The following EPHA6 variants were observed in gnomAD, a reference collection of about 807,000 sequenced individuals.
EPHA6 encodes the protein EPH receptor A6.
EPHA6 carries 50 observed loss-of-function variants against 112.0 expected under a neutral mutation model. The observed-to-expected ratio is 0.45, with a 90% CI of 0.36 to 0.56. EPHA6 has a LOEUF of 0.56. Ranked by LOEUF, EPHA6 falls within the 20% of genes least tolerant of loss-of-function variation. The pLI, the probability that EPHA6 is intolerant of heterozygous loss-of-function variation, is 0.00. For synonymous variants in EPHA6, 529 were observed against 490.7 expected (o/e 1.08, Z -1.03); for missense variants, 1,280 against 1,417.4 (o/e 0.90, Z 1.56).
intron 10 of EPHA6, among the ~76,000 whole-genome samples, chr3:97,520,538 T>G (rs1018882137): frequency 7.9e-5 from 12 of 152,230 alleles, no homozygotes; most frequent in Admixed American, 2.0e-4. Context: ...ATCATCCTAT[T>G]ATCTTCTGGC....
intron 14 of EPHA6, among the ~76,000 whole-genome samples, chr3:97,702,568 C>T (rs999979743): frequency 8.5e-5 from 13 of 152,126 alleles, no homozygotes; most frequent in Non-Finnish European, 1.5e-4. Context: ...TTTCCCCATT[C>T]ATTTTAAATA....
At chr3:96,877,146 G>A (rs2037010060) in intron 2 of EPHA6, among the ~76,000 whole-genome samples, 1 of 152,066 alleles carries the variant, frequency 6.6e-6, no homozygotes, top group African/African-American at 2.4e-5. Flanking sequence ...TCTCATTGGA[G>A]CTGGAATAAT....
At chr3:97,047,567 G>T (rs996304879) in intron 3 of EPHA6, among the ~76,000 whole-genome samples, 1 of 151,314 alleles carries the variant, frequency 6.6e-6, no homozygotes, top group Non-Finnish European at 1.5e-5. Flanking sequence ...TTATATAAGG[G>T]ATGGGTAGTT....
chr3:97,734,819 T>C (rs1287652602), intron 15 of EPHA6, among the ~76,000 whole-genome samples: 1 of 152,050 alleles, frequency 6.6e-6, no homozygotes, highest in Non-Finnish European at 1.5e-5. Context: ...ACACTTTCTT[T>C]TGTCTTTTCC....
intron 1 of EPHA6, among the ~76,000 whole-genome samples, chr3:96,847,204 T>C (rs2035122263): frequency 6.6e-6 from 1 of 152,118 alleles, no homozygotes; most frequent in Non-Finnish European, 1.5e-5. Context: ...TGTATATAAA[T>C]CAAAAATATA....
At chr3:96,852,108 T>A (rs2035425674) in intron 1 of EPHA6, among the ~76,000 whole-genome samples, 2 of 152,106 alleles carry the variant, frequency 1.3e-5, no homozygotes, top group South Asian at 4.1e-4. Context: ...TGTGTGATAT[T>A]TTGGAGTTGA....
intron 7 of EPHA6, among the ~76,000 whole-genome samples, chr3:97,460,801 C>T (rs1227737338): frequency 6.6e-6 from 1 of 152,162 alleles, no homozygotes; most frequent in African/African-American, 2.4e-5. Context: ...GTCTTTGCAG[C>T]TACCACATGT....
chr3:97,227,936 A>G (rs1193704748), intron 4 of EPHA6, among the ~76,000 whole-genome samples: 2 of 152,164 alleles, frequency 1.3e-5, no homozygotes, highest in African/African-American at 4.8e-5. Context: ...AACCACAGAA[A>G]GGGAGGGGCA....
At chr3:97,222,938 A>G (rs892617973) in intron 3 of EPHA6, among the ~76,000 whole-genome samples, 2 of 152,230 alleles carry the variant, frequency 1.3e-5, no homozygotes, top group African/African-American at 2.4e-5. Flanking sequence ...GGCCCTCTTA[A>G]AGAAGTGCGA....
intron 6 of EPHA6, among the ~76,000 whole-genome samples, chr3:97,427,698 A>AATGTGGT (rs1364098951): frequency 8.5e-5 from 13 of 152,176 alleles, no homozygotes; most frequent in Non-Finnish European, 1.8e-4. Flanking sequence ...TTAAAAAAAA[A>AATGTGGT]ATGTGGTACA....
At chr3:97,170,758 A>G (rs993713578) in intron 3 of EPHA6, among the ~76,000 whole-genome samples, 14 of 152,054 alleles carry the variant, frequency 9.2e-5, no homozygotes, top group South Asian at 2.1e-4. Flanking sequence ...AGAAAAGAAA[A>G]AAAAAGAAAT....
intron 10 of EPHA6, among the ~76,000 whole-genome samples, chr3:97,515,317 T>C (rs2107603209): frequency 6.6e-6 from 1 of 152,346 alleles, no homozygotes; most frequent in Non-Finnish European, 1.5e-5. Flanking sequence ...TAACATAAGC[T>C]GCCAGAGACA....
intron 2 of EPHA6, among the ~76,000 whole-genome samples, chr3:96,916,453 C>CTGAA (rs2107616146): frequency 1.3e-5 from 2 of 152,114 alleles, no homozygotes; most frequent in South Asian, 4.1e-4. Context: ...AATGTACTTA[C>CTGAA]TGAACATCTG....
In EPHA6 at chr3:97,467,305, AT is replaced by A. The variant is rs540543613; in HGVS notation, c.1895-8041del. Among the ~76,000 whole-genome samples the A allele has an allele frequency of 8.8e-4, 134 of 151,850 alleles. 1 individual carries two copies. The highest frequency in any genetic ancestry group is 3.0e-3 in the African/African-American group (126 of 41,486). On this transcript the variant is annotated intron_variant, in intron 7 of 17. Transcript: ENST00000389672. ...GTTTTTAAAATCATTTTCTTTAAAT[AT>A]TTTTTCTATGAAAAATAGACTCCAA...
chr3:97,155,831 A>G (rs2076276328), intron 3 of EPHA6, among the ~76,000 whole-genome samples: 1 of 152,044 alleles, frequency 6.6e-6, no homozygotes, highest in Admixed American at 6.6e-5. Context: ...TATCCTTTTC[A>G]AACTTGGAGT....
At chr3:97,530,605 A>T (rs2092684948) in intron 10 of EPHA6, among the ~76,000 whole-genome samples, 2 of 151,946 alleles carry the variant, frequency 1.3e-5, no homozygotes, top group Admixed American at 6.6e-5. Context: ...TAAGAAAAAA[A>T]AAACAGGATT....
Position 97,736,038 on chromosome 3 carries a change from A to C in EPHA6, c.3048A>C (p.Lys1016Asn). 6.2e-7 allele frequency: 1 copy of C among 1,612,704 alleles called. No individual in the cohort carries two copies. Among genetic ancestry groups the C allele is most frequent in the Non-Finnish European group, 8.5e-7 (1 of 1,179,194 alleles). ...CWQKERNHRP[K>N]FTDIVSFLDK... Reference sequence around the variant, plus strand: ...AGAAGGAGAGAAATCACAGACCAAAATTTACTGACATTGTCAGCTTCCTTG... The same window carrying C: ...AGAAGGAGAGAAATCACAGACCAAACTTTACTGACATTGTCAGCTTCCTTG... Residue 1016 changes from lysine to asparagine, a missense_variant, in exon 16 of 18, where the codon AAA (lysine) becomes AAC (asparagine). Transcript: ENST00000389672.
At chr3:97,362,377 A>G (rs893529290) in intron 5 of EPHA6, among the ~76,000 whole-genome samples, 2 of 152,146 alleles carry the variant, frequency 1.3e-5, no homozygotes, top group African/African-American at 4.8e-5. Flanking sequence ...AATCTTTATT[A>G]TTAAAGATAA....
chr3:97,453,985 C>A (rs1412608079), intron 7 of EPHA6, among the ~76,000 whole-genome samples: 4 of 151,650 alleles, frequency 2.6e-5, no homozygotes, highest in Non-Finnish European at 5.9e-5. Context: ...TAAATGTAAT[C>A]CAAATTGATA....
Sources: allele counts gnomAD v4.1 joint callset (sites outside exome capture counted in the v4.1 genomes callset), GRCh38; gene constraint gnomAD v4.1.1; transcripts MANE v1.5; gene names NCBI Gene and HGNC (gene_info 2026-07-23, HGNC 2026-07-21).